XYLB: variants seen among roughly 807,000 people sequenced by gnomAD.
XYLB encodes the protein xylulose kinase.
A neutral mutation model predicts 78.7 loss-of-function variants in XYLB; 62 were observed. The ratio of observed to expected loss-of-function variants is 0.79; its 90% CI spans 0.64 to 0.97. The LOEUF (loss-of-function observed/expected upper bound fraction) is 0.97, where lower values mean the gene tolerates loss of function less well. Ranked by LOEUF, XYLB falls within the 50% of genes least tolerant of loss-of-function variation. XYLB has a pLI of 0.00. For synonymous variants in XYLB, 245 were observed against 247.4 expected, an observed-to-expected ratio of 0.99 and a Z score of 0.09; for missense variants, 687 against 676.8, an observed-to-expected ratio of 1.02 and a Z score of -0.17.
intron 15 of XYLB, among the ~76,000 whole-genome samples, chr3:38,381,900 T>G (rs1205265467): frequency 6.6e-6 from 1 of 152,204 alleles, no homozygotes; most frequent in Admixed American, 6.5e-5. Flanking sequence ...CTTGTGATAT[T>G]CTATTATCCT....
intron 2 of XYLB, among the ~76,000 whole-genome samples, chr3:38,354,187 C>T (rs1259141174): frequency 6.7e-6 from 1 of 149,688 alleles, no homozygotes; most frequent in Non-Finnish European, 1.5e-5. Flanking sequence ...GATTCTTCTG[C>T]CTCAGCCTCC....
At chr3:38,431,793 G>T in the XYLB span, among the ~76,000 whole-genome samples, 1 of 152,150 alleles carries the variant, frequency 6.6e-6, no homozygotes, top group Non-Finnish European at 1.5e-5. Flanking sequence ...TGGGCAGCAG[G>T]AGACAGAATC....
chr3:38,365,647 T>A lies in XYLB; in HGVS notation c.418T>A (p.Ser140Thr), dbSNP rs754547322. Residue 140 changes from serine (S) to threonine (T), a missense_variant, in exon 6 of 19, where the codon TCC (serine) becomes ACC (threonine). By Grantham distance (58) the Ser-to-Thr change is moderately conservative. Transcript: ENST00000207870. ...SISDCPVWMD[S>T]STTAQCRQLE... is the part of the protein sequence containing the mutation. Reference sequence around the variant, plus strand: ...CAGCGACTGCCCGGTGTGGATGGACTCCAGCACCACAGCCCAGTGCCGCCA... The same window carrying A: ...CAGCGACTGCCCGGTGTGGATGGACACCAGCACCACAGCCCAGTGCCGCCA... 6.2e-7 allele frequency: 1 copy of A among 1,613,996 alleles called. No homozygotes were observed.
chr3:38,419,277 G>A (rs887347523), downstream of XYLB, among the ~76,000 whole-genome samples: 2 of 151,998 alleles, frequency 1.3e-5, no homozygotes, highest in Non-Finnish European at 2.9e-5. Flanking sequence ...ATATTCCGCT[G>A]TGTTTATATA....
chr3:38,415,543 G>A (rs1463406954), downstream of XYLB, among the ~76,000 whole-genome samples: 2 of 152,196 alleles, frequency 1.3e-5, no homozygotes, highest in Non-Finnish European at 2.9e-5. Flanking sequence ...AGCACTTTGG[G>A]AGGCTGAGGC....
the XYLB span, among the ~76,000 whole-genome samples, chr3:38,444,221 G>T: frequency 6.6e-6 from 1 of 152,106 alleles, no homozygotes; most frequent in Admixed American, 6.5e-5. Flanking sequence ...ACCTTAATCT[G>T]CTTTAAATCA....
chr3:38,406,651 T>C (rs892182492), intron 18 of XYLB, among the ~76,000 whole-genome samples: 47 of 152,220 alleles, frequency 3.1e-4, no homozygotes, highest in African/African-American at 1.1e-3. Context: ...TTTAGATGAA[T>C]GTATAACTAG....
intron 14 of XYLB, 60 bp from the exon 15 acceptor site, chr3:38,379,176 GACACACACAT>G (rs1707018490): frequency 6.8e-7 from 1 of 1,480,808 alleles, no homozygotes; most frequent in East Asian, 2.3e-5. Flanking sequence ...ATCACACACA[GACACACACAT>G]ACACACACGA....
At position 38,412,610 on chromosome 3, in the gene XYLB, A is replaced by G. The variant is rs557124750; in HGVS notation, c.1534-326A>G. ...TTAATACAGATATAAAGTCAAGTCT[A>G]TTTCCCAAAGAGTTGTATCACCAGC... On this transcript the variant is annotated intron_variant, in intron 18 of 18. Transcript: ENST00000207870. 7.2e-5 allele frequency among the ~76,000 whole-genome samples: 11 copies of G among 152,290 alleles called. No homozygotes were observed. In the South Asian group the frequency reaches 8.3e-4, roughly 11 times the overall value.
chr3:38,452,191 C>T, the XYLB span: 2 of 152,158 alleles, frequency 1.3e-5, no homozygotes, highest in East Asian at 1.9e-4. Flanking sequence ...GGCACACAGT[C>T]GCATAGTATT....
chr3:38,447,076 C>A, the XYLB span, among the ~76,000 whole-genome samples: 1 of 152,050 alleles, frequency 6.6e-6, no homozygotes, highest in Non-Finnish European at 1.5e-5. Context: ...TGAACAGGAA[C>A]AAAATCCCAA....
At chr3:38,436,977 C>G in the XYLB span, among the ~76,000 whole-genome samples, 1 of 148,868 alleles carries the variant, frequency 6.7e-6, no homozygotes, top group Non-Finnish European at 1.5e-5. Flanking sequence ...GCACTCCAGC[C>G]TGGGCGACAG....
chr3:38,402,194 A>G (rs561988818), intron 18 of XYLB, among the ~76,000 whole-genome samples: 1 of 152,312 alleles, frequency 6.6e-6, no homozygotes, highest in African/African-American at 2.4e-5. Flanking sequence ...AACCTTGTAA[A>G]GAAACTGCGA....
At chr3:38,362,421 A>G (rs1038078765) in intron 3 of XYLB, among the ~76,000 whole-genome samples, 1 of 152,130 alleles carries the variant, frequency 6.6e-6, no homozygotes, top group Non-Finnish European at 1.5e-5. Context: ...CATTTTTTGT[A>G]GAGATGGGAT....
At chr3:38,441,628 G>A in the XYLB span, among the ~76,000 whole-genome samples, 10 of 152,128 alleles carry the variant, frequency 6.6e-5, no homozygotes, top group Admixed American at 1.3e-4. Flanking sequence ...TATCTAAGCC[G>A]GTGGTTGTCT....
At chr3:38,381,165 A>G (rs942604669) in intron 15 of XYLB, among the ~76,000 whole-genome samples, 3 of 152,204 alleles carry the variant, frequency 2.0e-5, no homozygotes, top group Non-Finnish European at 4.4e-5. Flanking sequence ...GATTGTGAAG[A>G]TTTCATGGAC....
At chr3:38,424,796 A>G (rs1233733749), downstream of XYLB, among the ~76,000 whole-genome samples, 4 of 152,214 alleles carry the variant, frequency 2.6e-5, no homozygotes, top group African/African-American at 7.2e-5. Context: ...TATTTACCCA[A>G]TTGCAAACAG....
At chr3:38,375,089 G>A in intron 11 of XYLB, 55 bp from the exon 12 acceptor site, 1 of 1,428,664 alleles carries the variant, frequency 7.0e-7, no homozygotes, top group Admixed American at 1.8e-5. Context: ...CGCTGGCAGA[G>A]GGCAGCGTGT....
Position 38,375,213 on chromosome 3 carries a change from A to G in XYLB, c.958A>G (p.Ile320Val), listed in dbSNP as rs759130387. Residue 320 changes from isoleucine to valine, a missense_variant, in exon 12 of 19, where the codon ATC becomes GTC. By Grantham distance (29) the Ile-to-Val change is conservative. Coordinates refer to ENST00000207870, the MANE Select transcript of XYLB (RefSeq NM_005108.4). The part of the protein sequence containing the change: ...QEPMPALEGH[I>V]FCNPVDSQHY... Reference sequence around the variant, plus strand: ...GCCCATGCCTGCCCTGGAAGGCCACATCTTCTGCAACCCGGTTGACTCCCA... The same window carrying G: ...GCCCATGCCTGCCCTGGAAGGCCACGTCTTCTGCAACCCGGTTGACTCCCA... 8.7e-6 allele frequency: 14 copies of G among 1,614,178 alleles called. 1 individual carries two copies. The East Asian group carries it at 2.9e-4, about 33-fold the overall frequency.
Sources: allele counts gnomAD v4.1 joint callset (sites outside exome capture counted in the v4.1 genomes callset), GRCh38; gene constraint gnomAD v4.1.1; transcripts MANE v1.5; gene names NCBI Gene and HGNC (gene_info 2026-07-23, HGNC 2026-07-21).